Variants in PTK2 observed in about 807,000 individuals in gnomAD.
The protein encoded by PTK2 is protein tyrosine kinase 2, also known as focal adhesion kinase 1.
PTK2 carries 45 observed loss-of-function variants against 150.1 expected under a neutral mutation model. That is an observed-to-expected ratio of 0.30 (90% CI 0.24 to 0.38). PTK2 has a LOEUF of 0.38. Ranked by LOEUF, PTK2 falls within the 10% of genes least tolerant of loss-of-function variation. The pLI, the probability that PTK2 is intolerant of heterozygous loss-of-function variation, is 1.00. For missense variants in PTK2, 919 were observed against 1,307.3 expected (o/e 0.70, Z 4.58); for synonymous variants, 432 against 449.2 (o/e 0.96, Z 0.48).
At chr8:140,968,122 C>T (rs1223145611) in intron 1 of PTK2, among the ~76,000 whole-genome samples, 1 of 152,172 alleles carries the variant, frequency 6.6e-6, no homozygotes, top group East Asian at 1.9e-4. Flanking sequence ...GCTTAGTACA[C>T]GGTTTGCCAT....
intron 1 of PTK2, among the ~76,000 whole-genome samples, chr8:140,985,736 A>C (rs1217958358): frequency 6.6e-6 from 1 of 152,242 alleles, no homozygotes; most frequent in Admixed American, 6.5e-5. Context: ...GGCAAGTGCA[A>C]TGGGAGACAC....
intron 30 of PTK2, 124 bp downstream of exon 34, chr8:140,668,145 A>T (rs1214288674): frequency 4.6e-6 from 5 of 1,090,660 alleles, no homozygotes; most frequent in Non-Finnish European, 6.7e-6. Context: ...TTTCGTGAAG[A>T]GCTTCTAAAG....
At chr8:140,764,528 C>T (rs2100071277) in intron 14 of PTK2, 2 of 501,688 alleles carry the variant, frequency 4.0e-6, no homozygotes, top group Non-Finnish European at 7.0e-6. Context: ...AGGGCTAACA[C>T]AGAAAGCCCT....
intron 2 of PTK2, among the ~76,000 whole-genome samples, chr8:140,907,854 T>G (rs2100161608): frequency 6.6e-6 from 1 of 152,146 alleles, no homozygotes; most frequent in Admixed American, 6.5e-5. Flanking sequence ...TGCTGCCTCA[T>G]CTCTCCCACC....
At chr8:140,908,557 C>T (rs1324788136) in intron 2 of PTK2, among the ~76,000 whole-genome samples, 1 of 152,230 alleles carries the variant, frequency 6.6e-6, no homozygotes, top group Non-Finnish European at 1.5e-5. Flanking sequence ...GACAGGCTGT[C>T]TCTCATTAGG....
At chr8:140,744,793 A>AG in intron 18 of PTK2, 26 bp from the exon 22 acceptor site, 1 of 1,304,668 alleles carries the variant, frequency 7.7e-7, no homozygotes, top group Non-Finnish European at 1.1e-6. Context: ...CCAAAAGAAA[A>AG]AAAAAAAAAA....
At chr8:140,757,928 G>A (rs766266190) in intron 16 of PTK2, among the ~76,000 whole-genome samples, 18 of 152,078 alleles carry the variant, frequency 1.2e-4, no homozygotes, top group South Asian at 2.1e-4. Flanking sequence ...CAAATTTACC[G>A]TACTGCCAGT....
At chr8:140,804,286 T>C (rs1463142339) in intron 10 of PTK2, among the ~76,000 whole-genome samples, 5 of 151,524 alleles carry the variant, frequency 3.3e-5, no homozygotes, top group Admixed American at 2.6e-4. Flanking sequence ...ACTCTCCTTC[T>C]TAAAAAGAAA....
chr8:140,911,596 A>G (rs967324070), intron 2 of PTK2, among the ~76,000 whole-genome samples: 14 of 152,192 alleles, frequency 9.2e-5, no homozygotes, highest in Non-Finnish European at 1.9e-4. Context: ...ATACACATAC[A>G]TACATATGTG....
rs2100179389 is a variant in PTK2, at chr8:140,951,017, A to C, written c.-121-25268T>G. Among the ~76,000 whole-genome samples the C allele has an allele frequency of 2.6e-5, 4 of 152,110 alleles. No individual in the cohort carries two copies. In the South Asian group the frequency reaches 8.3e-4, roughly 32 times the overall value. Reference sequence around the variant, plus strand: ...CAACACTCCCAGAACCTCAGAGTCCAATCTATCTCAGCTGTGCTCATCTGC... The same window carrying C: ...CAACACTCCCAGAACCTCAGAGTCCCATCTATCTCAGCTGTGCTCATCTGC... On this transcript the variant is annotated intron_variant, in intron 1 of 31. Coordinates refer to ENST00000522684, the Ensembl canonical transcript of PTK2.
At chr8:140,898,428 G>A (rs1013763997) in intron 2 of PTK2, among the ~76,000 whole-genome samples, 1 of 152,220 alleles carries the variant, frequency 6.6e-6, no homozygotes, top group Non-Finnish European at 1.5e-5. Context: ...TGGGAGAGAA[G>A]ATGGAATGTC....
At chr8:140,679,514 A>C (rs1239677309) in intron 27 of PTK2, among the ~76,000 whole-genome samples, 1 of 152,170 alleles carries the variant, frequency 6.6e-6, no homozygotes. Flanking sequence ...CAGAAGTCTG[A>C]CAGTATGAGT....
intron 5 of PTK2, among the ~76,000 whole-genome samples, chr8:140,856,592 A>G (rs1182790444): frequency 6.6e-6 from 1 of 152,182 alleles, no homozygotes; most frequent in African/African-American, 2.4e-5. Context: ...GGTGGGAAAA[A>G]CACAGGAGCA....
At chr8:140,790,417 C>G (rs1038951694) in intron 13 of PTK2, among the ~76,000 whole-genome samples, 1 of 152,106 alleles carries the variant, frequency 6.6e-6, no homozygotes, top group African/African-American at 2.4e-5. Flanking sequence ...TCATATACAC[C>G]TTATACATGT....
intron 1 of PTK2, among the ~76,000 whole-genome samples, chr8:140,956,381 G>A (rs1282275207): frequency 1.3e-5 from 2 of 152,188 alleles, no homozygotes; most frequent in Middle Eastern, 3.2e-3. Context: ...CATTACTCAC[G>A]CGTTTTAGTG....
rs999115313 is a variant in PTK2 at position 140,883,173 on chromosome 8, T to C, written c.196-3536A>G. Among the ~76,000 whole-genome samples, 6 of 152,212 alleles carry C rather than the reference T, an allele frequency of 3.9e-5. No homozygotes were observed. The East Asian group carries it at 5.8e-4, about 15-fold the overall frequency. ...ATAGGTCATGTGACTCTTTCCTCCA[T>C]GTTCATTCTTTCATAAACTGTTCAT... On this transcript the variant is annotated intron_variant, in intron 3 of 31. Coordinates refer to ENST00000522684, the Ensembl canonical transcript of PTK2.
intron 29 of PTK2, chr8:140,672,095 G>C: frequency 4.5e-6 from 2 of 443,470 alleles, no homozygotes; most frequent in South Asian, 1.6e-5. Context: ...AGGTGGTACC[G>C]ATCTACCTGT....
intron 5 of PTK2, among the ~76,000 whole-genome samples, chr8:140,851,598 C>T (rs1298716079): frequency 6.6e-6 from 1 of 152,144 alleles, no homozygotes; most frequent in Non-Finnish European, 1.5e-5. Flanking sequence ...GTGGCTCACA[C>T]CTGTAATCCC....
intron 27 of PTK2, among the ~76,000 whole-genome samples, chr8:140,677,736 G>A (rs1346535568): frequency 2.0e-5 from 3 of 152,192 alleles, no homozygotes; most frequent in Non-Finnish European, 4.4e-5. Flanking sequence ...AAGTCTCAGA[G>A]CTTGAAGGTA....
Sources: allele counts gnomAD v4.1 joint callset (sites outside exome capture counted in the v4.1 genomes callset), GRCh38; gene constraint gnomAD v4.1.1; transcripts MANE v1.5; gene names NCBI Gene and HGNC (gene_info 2026-07-23, HGNC 2026-07-21).